FAM151B: variants seen among roughly 807,000 people sequenced by gnomAD.
FAM151B encodes the protein family with sequence similarity 151 member B.
Under a neutral mutation model 31.2 loss-of-function variants are expected in FAM151B, and 24 were observed. The observed-to-expected ratio is 0.77, with a 90% CI of 0.56 to 1.08. FAM151B has a LOEUF of 1.08. FAM151B is among the 50% of genes least tolerant of loss of function. FAM151B has a pLI of 0.00. For missense variants in FAM151B, 293 were observed against 328.6 expected, an observed-to-expected ratio of 0.89 and a Z score of 0.84; for synonymous variants, 105 against 111.4, an observed-to-expected ratio of 0.94 and a Z score of 0.36.
At chr5:80,497,163 C>T (rs150908458) in intron 1 of FAM151B, among the ~76,000 whole-genome samples, 44 of 151,758 alleles carry the variant, frequency 2.9e-4, no homozygotes, top group African/African-American at 9.9e-4. Flanking sequence ...CGGTGGCTCA[C>T]GCCTATAATC....
intron 5 of FAM151B, among the ~76,000 whole-genome samples, chr5:80,538,468 T>TCTCTCTCTCTCTCTC (rs1561383757): frequency 1.7e-5 from 2 of 115,324 alleles, no homozygotes; most frequent in African/African-American, 3.6e-5. Context: ...CTTTCTTTCT[T>TCTCTCTCTCTCTCTC]TCTTTCTTTC....
At chr5:80,512,163 A>G (rs1744218455) in intron 2 of FAM151B, among the ~76,000 whole-genome samples, 1 of 152,198 alleles carries the variant, frequency 6.6e-6, no homozygotes. Flanking sequence ...CCATTTGTAC[A>G]TCTGCATTTG....
chr5:80,519,890 A>C lies in FAM151B; in HGVS notation c.515A>C (p.His172Pro). 1 of 1,613,966 alleles carries C rather than the reference A, an allele frequency of 6.2e-7. No individual in the cohort carries two copies. The highest frequency in any genetic ancestry group is 2.2e-5 in the East Asian group (1 of 44,878). The change falls in exon 4 of 6, where the codon CAT becomes CCT. Residue 172 changes from histidine to proline, a missense_variant. Physicochemically the swap from His to Pro is moderately conservative, Grantham distance 77. Transcript: ENST00000282226. ...TCCCTGGGTTGGACAACAGGATGGC[A>C]TCCTGAGAAAGTCAATGAAGGTAAT... ...TFSLGWTTGW[H>P]PEKVNEGYSW...
intron 5 of FAM151B, among the ~76,000 whole-genome samples, chr5:80,534,707 A>G (rs1032506440): frequency 6.6e-6 from 1 of 152,212 alleles, no homozygotes; most frequent in Non-Finnish European, 1.5e-5. Flanking sequence ...CAAGACAAGG[A>G]TGCCCACTTT....
chr5:80,533,378 A>AAAAAC (rs528671941), intron 5 of FAM151B, among the ~76,000 whole-genome samples: 20 of 152,064 alleles, frequency 1.3e-4, no homozygotes, highest in Non-Finnish European at 2.5e-4. Flanking sequence ...CTCCATCTCA[A>AAAAAC]AAAACAAAAC....
chr5:80,518,075 GAAAA>G (rs796173147), intron 3 of FAM151B, among the ~76,000 whole-genome samples: 2 of 72,770 alleles, frequency 2.7e-5, no homozygotes, highest in African/African-American at 1.1e-4. Flanking sequence ...CCATCTCAAA[GAAAA>G]AAAAAAAAAA....
chr5:80,527,388 A>G (rs1745019249), intron 5 of FAM151B, among the ~76,000 whole-genome samples: 1 of 151,888 alleles, frequency 6.6e-6, no homozygotes, highest in Non-Finnish European at 1.5e-5. Context: ...ATGCCACTGC[A>G]CTTCAGCCTG....
chr5:80,530,636 A>G (rs932400651), intron 5 of FAM151B, among the ~76,000 whole-genome samples: 3 of 152,234 alleles, frequency 2.0e-5, no homozygotes, highest in Admixed American at 6.5e-5. Flanking sequence ...TCCATTCACA[A>G]TTGCTTCAAA....
intron 3 of FAM151B, among the ~76,000 whole-genome samples, chr5:80,518,407 T>C (rs1744560314): frequency 6.6e-6 from 1 of 152,160 alleles, no homozygotes; most frequent in African/African-American, 2.4e-5. Context: ...CAGGTACAAG[T>C]TGCTTGCTAC....
At chr5:80,501,139 G>T in intron 1 of FAM151B, 1 of 364,298 alleles carries the variant, frequency 2.7e-6, no homozygotes, top group Non-Finnish European at 5.1e-6. Context: ...TCAGCCTCTG[G>T]AGTAACTGGG....
chr5:80,494,294 A>G (rs1232637572), intron 1 of FAM151B, among the ~76,000 whole-genome samples: 6 of 152,186 alleles, frequency 3.9e-5, no homozygotes, highest in Non-Finnish European at 8.8e-5. Flanking sequence ...GTTTAAGGGA[A>G]AAGGCTGTTT....
chr5:80,510,282 C>T (rs569092438), intron 2 of FAM151B, among the ~76,000 whole-genome samples: 1 of 152,306 alleles, frequency 6.6e-6, no homozygotes, highest in East Asian at 1.9e-4. Flanking sequence ...ACTCATATGT[C>T]AGTGGCCTTA....
rs371941689 is a variant in FAM151B, at chr5:80,534,756, A to G, written c.672-6917A>G. Among the ~76,000 whole-genome samples, 7 of 152,218 alleles carry G rather than the reference A, an allele frequency of 4.6e-5. No individual in the cohort carries two copies. The East Asian group carries it at 1.2e-3, about 25-fold the overall frequency. The stretch of plus-strand genomic sequence containing the variant: ...TAACATAGTACTAGAAGTCCTAGGG[A>G]GAACAATCAGACAAGAAAGATATAT... On this transcript the variant is annotated intron_variant, in intron 5 of 5. Transcript: ENST00000282226.
intron 5 of FAM151B, among the ~76,000 whole-genome samples, chr5:80,528,423 A>C (rs1320201100): frequency 3.3e-5 from 5 of 152,172 alleles, no homozygotes; most frequent in African/African-American, 1.2e-4. Flanking sequence ...AGAGTGACTG[A>C]ATGGATGAAA....
intron 5 of FAM151B, among the ~76,000 whole-genome samples, chr5:80,534,030 G>A (rs533945430): frequency 1.4e-4 from 21 of 152,164 alleles, no homozygotes; most frequent in African/African-American, 5.1e-4. Flanking sequence ...AATCCCTAGA[G>A]TCATACAACC....
chr5:80,531,317 A>G (rs948218507), intron 5 of FAM151B, among the ~76,000 whole-genome samples: 3 of 152,248 alleles, frequency 2.0e-5, no homozygotes, highest in Non-Finnish European at 4.4e-5. Flanking sequence ...CATTAAGGCC[A>G]TAAGCATGGG....
chr5:80,501,014 T>G, intron 1 of FAM151B: 1 of 532,628 alleles, frequency 1.9e-6, no homozygotes, highest in Non-Finnish European at 3.3e-6. Flanking sequence ...CATTTTTATT[T>G]TATTTTATTT....
chr5:80,504,661 G>A (rs1041893355), intron 2 of FAM151B, among the ~76,000 whole-genome samples: 14 of 151,164 alleles, frequency 9.3e-5, no homozygotes, highest in African/African-American at 3.2e-4. Flanking sequence ...CTGGGACTAT[G>A]GGCATGTGCC....
At position 80,506,015 on chromosome 5, in the gene FAM151B, C is replaced by T. The variant is rs141387457; in HGVS notation, c.151+4098C>T. ...TCATGATCCGCCTGCCTTGGCCTCG[C>T]GAAGTGCTGGGATTACAGGTGTGAG... On this transcript the variant is annotated intron_variant, in intron 2 of 5. Transcript: ENST00000282226. 2,951 of 950,492 alleles carry T rather than the reference C, an allele frequency of 3.1e-3. 67 individuals are homozygous for T. The African/African-American group carries it at 0.045, about 14-fold the overall frequency. 58.9% of individuals were successfully genotyped at this position (950,492 alleles called of 1,614,324 possible). A position where few individuals can be genotyped will look rare whatever the true frequency, so the allele number is the denominator to read the frequency against.
Sources: allele counts gnomAD v4.1 joint callset (sites outside exome capture counted in the v4.1 genomes callset), GRCh38; gene constraint gnomAD v4.1.1; transcripts MANE v1.5; gene names NCBI Gene and HGNC (gene_info 2026-07-23, HGNC 2026-07-21).